Variants in SLIT3 observed in about 807,000 individuals in gnomAD.
SLIT3 encodes the protein slit guidance ligand 3, also known as slit homolog 3 protein.
A neutral mutation model predicts 184.0 loss-of-function variants in SLIT3; 68 were observed. That is an observed-to-expected ratio of 0.37 (90% CI 0.30 to 0.45). The LOEUF is 0.45. SLIT3 is among the 20% of genes least tolerant of loss of function. SLIT3 has a pLI of 1.00. For synonymous variants in SLIT3, 831 were observed against 828.6 expected (o/e 1.00, Z -0.05); for missense variants, 1,707 against 2,026.0 (o/e 0.84, Z 3.02).
At chr5:169,026,999 G>T (rs1756853573) in intron 4 of SLIT3, among the ~76,000 whole-genome samples, 2 of 152,214 alleles carry the variant, frequency 1.3e-5, no homozygotes, top group South Asian at 2.1e-4. Flanking sequence ...GTAAGTCATA[G>T]ATCTTTAGGA....
chr5:169,116,819 C>T (rs954358922), intron 4 of SLIT3, among the ~76,000 whole-genome samples: 1 of 152,322 alleles, frequency 6.6e-6, no homozygotes, highest in African/African-American at 2.4e-5. Context: ...GCCCCATGTC[C>T]TCTGATTCCC....
At chr5:168,736,289 G>A (rs1763433076) in intron 20 of SLIT3, among the ~76,000 whole-genome samples, 1 of 152,186 alleles carries the variant, frequency 6.6e-6, no homozygotes, top group Non-Finnish European at 1.5e-5. Context: ...CAATAGTGTG[G>A]AGAAGTGTCC....
Position 168,928,194 on chromosome 5 carries a change from G to A in SLIT3, c.414-44858C>T, listed in dbSNP as rs142116188. Among the ~76,000 whole-genome samples, 421 of 152,076 alleles carry A rather than the reference G, an allele frequency of 2.8e-3. 1 individual carries two copies. The highest frequency in any genetic ancestry group is 6.5e-3 in the African/African-American group (269 of 41,468). On this transcript the variant is annotated intron_variant, in intron 4 of 35. Coordinates refer to ENST00000519560, the MANE Select transcript of SLIT3 (RefSeq NM_003062.4). ...TTTTTTCACCTTCAGGATTTGCGTC[G>A]TATTTACAAATACTCTTCCCTTTAA...
chr5:169,092,647 T>G (rs567312861), intron 4 of SLIT3, among the ~76,000 whole-genome samples: 1 of 152,306 alleles, frequency 6.6e-6, no homozygotes, highest in African/African-American at 2.4e-5. Context: ...GCACGCATAA[T>G]TCTTGCAGAG....
chr5:168,806,652 C>T, intron 8 of SLIT3, 65 bp from the exon 9 acceptor site: 1 of 1,588,058 alleles, frequency 6.3e-7, no homozygotes, highest in Non-Finnish European at 8.6e-7. Context: ...CTTCTGTGTC[C>T]TTAACCAGCA....
chr5:168,801,400 C>T (rs560887381), intron 9 of SLIT3, among the ~76,000 whole-genome samples: 2 of 152,302 alleles, frequency 1.3e-5, no homozygotes, highest in East Asian at 3.9e-4. Context: ...CTCCCTATCT[C>T]AGAGAGACAC....
intron 31 of SLIT3, among the ~76,000 whole-genome samples, chr5:168,685,449 CA>C (rs1173316919): frequency 6.6e-6 from 1 of 152,190 alleles, no homozygotes; most frequent in Non-Finnish European, 1.5e-5. Flanking sequence ...TAGTTGAATG[CA>C]TATTTTCTGG....
chr5:168,681,991 C>T (rs1429450465), intron 32 of SLIT3, among the ~76,000 whole-genome samples: 1 of 152,256 alleles, frequency 6.6e-6, no homozygotes, highest in Non-Finnish European at 1.5e-5. Context: ...GGCTGAATCA[C>T]TTGTTCACAT....
intron 4 of SLIT3, among the ~76,000 whole-genome samples, chr5:169,033,424 A>T (rs1213921751): frequency 6.6e-6 from 1 of 152,156 alleles, no homozygotes; most frequent in Non-Finnish European, 1.5e-5. Flanking sequence ...TCTCTTTATG[A>T]GGCGGTGATT....
At chr5:169,193,164 G>A (rs1763613284) in intron 4 of SLIT3, among the ~76,000 whole-genome samples, 1 of 152,016 alleles carries the variant, frequency 6.6e-6, no homozygotes, top group Non-Finnish European at 1.5e-5. Flanking sequence ...CCCACCTCAG[G>A]GAATTTACCT....
intron 4 of SLIT3, among the ~76,000 whole-genome samples, chr5:168,988,773 AC>A (rs113631292): frequency 2.2e-3 from 328 of 146,124 alleles, no homozygotes; most frequent in Admixed American, 5.3e-3. Context: ...CAACTAGGAG[AC>A]CCCCCCCCAG....
At chr5:169,210,741 T>C (rs1308499210) in intron 3 of SLIT3, among the ~76,000 whole-genome samples, 1 of 151,898 alleles carries the variant, frequency 6.6e-6, no homozygotes, top group Middle Eastern at 3.4e-3. Context: ...AAGGCAAAAC[T>C]TAGTGGCAAA....
intron 8 of SLIT3, among the ~76,000 whole-genome samples, chr5:168,811,911 C>G (rs1757168423): frequency 6.6e-6 from 1 of 152,206 alleles, no homozygotes; most frequent in African/African-American, 2.4e-5. Flanking sequence ...TATCTGCACT[C>G]CCATGTTCAT....
intron 1 of SLIT3, among the ~76,000 whole-genome samples, chr5:169,294,716 G>T (rs1339972194): frequency 1.3e-5 from 2 of 152,176 alleles, no homozygotes; most frequent in African/African-American, 4.8e-5. Context: ...TCACCATTAG[G>T]CGATTTCGTC....
chr5:168,754,081 C>T (rs1754810762), intron 16 of SLIT3, 74 bp from the exon 17 acceptor site: 2 of 1,473,736 alleles, frequency 1.4e-6, no homozygotes, highest in African/African-American at 2.8e-5. Context: ...GATGACTTGC[C>T]CTGCAGCTGC....
chr5:168,856,729 A>ATTGCAT (rs138856871), intron 5 of SLIT3, among the ~76,000 whole-genome samples: 2 of 149,996 alleles, frequency 1.3e-5, no homozygotes, highest in Admixed American at 1.3e-4. Context: ...ATCTCAGTAG[A>ATTGCAT]TTGCATTTGC....
chr5:168,913,008 C>T (rs1761303197), intron 4 of SLIT3, among the ~76,000 whole-genome samples: 1 of 152,142 alleles, frequency 6.6e-6, no homozygotes. Flanking sequence ...CACTGAAAGT[C>T]TAGAAGTCCC....
chr5:169,069,618 G>A (rs935377597), intron 4 of SLIT3, among the ~76,000 whole-genome samples: 1 of 152,140 alleles, frequency 6.6e-6, no homozygotes, highest in African/African-American at 2.4e-5. Context: ...GTGCGGTAAG[G>A]TTATCACAAG....
chr5:168,907,905 T>TATAC (rs1761110405), intron 4 of SLIT3, among the ~76,000 whole-genome samples: 1 of 134,124 alleles, frequency 7.5e-6, no homozygotes, highest in Non-Finnish European at 1.6e-5. Flanking sequence ...CATATATATA[T>TATAC]AGATCTATCT....
Sources: gnomAD v4.1 joint callset for allele counts (sites outside exome capture counted in the v4.1 genomes callset) on GRCh38, gnomAD v4.1.1 for gene constraint, MANE v1.5 for transcripts, NCBI Gene and HGNC (gene_info 2026-07-23, HGNC 2026-07-21) for gene names.